TSHZ3: variants seen among roughly 807,000 people sequenced by gnomAD.
The protein encoded by TSHZ3 is teashirt homolog 3.
In TSHZ3, 10 loss-of-function variants were observed where a neutral mutation model predicts 64.5. That is an observed-to-expected ratio of 0.16 (90% confidence interval 0.10 to 0.26). The LOEUF is 0.26. Ranked by LOEUF, TSHZ3 falls within the 10% of genes least tolerant of loss-of-function variation. The probability of loss-of-function intolerance (pLI) is 1.00; values close to 1 mark genes in which losing one functional copy is unlikely to be tolerated. For synonymous variants in TSHZ3, 608 were observed against 593.1 expected, an observed-to-expected ratio of 1.03 and a Z score of -0.36; for missense variants, 1,242 against 1,421.7, an observed-to-expected ratio of 0.87 and a Z score of 2.03.
chr19:31,254,191 C>T (rs1046289282), intron 1 of TSHZ3, among the ~76,000 whole-genome samples: 1 of 152,220 alleles, frequency 6.6e-6, no homozygotes, highest in Non-Finnish European at 1.5e-5. Context: ...GGCAAATACC[C>T]TGTGGTCTTA....
chr19:31,244,647 TC>T (rs1047045966), intron 1 of TSHZ3, among the ~76,000 whole-genome samples: 2 of 152,138 alleles, frequency 1.3e-5, no homozygotes, highest in Non-Finnish European at 2.9e-5. Flanking sequence ...CAAAATCATT[TC>T]TTTTTTTTTA....
chr19:31,267,290 G>A, intron 1 of TSHZ3, among the ~76,000 whole-genome samples: 1 of 151,988 alleles, frequency 6.6e-6, no homozygotes, highest in South Asian at 2.1e-4. Flanking sequence ...GAATTGTGCA[G>A]GGTCCAGGAG....
intron 1 of TSHZ3, among the ~76,000 whole-genome samples, chr19:31,327,349 G>A (rs1044395750): frequency 6.6e-6 from 1 of 152,208 alleles, no homozygotes; most frequent in Admixed American, 6.5e-5. Flanking sequence ...ACATGTGAGA[G>A]ATAGTAAAAT....
intron 5 of TSHZ3, among the ~76,000 whole-genome samples, chr19:31,184,405 A>T (rs1974772199): frequency 6.6e-6 from 1 of 152,140 alleles, no homozygotes; most frequent in Non-Finnish European, 1.5e-5. Context: ...ATGTGTGTGA[A>T]ACATTTATGG....
chr19:31,257,226 G>A (rs1327624024), intron 1 of TSHZ3, among the ~76,000 whole-genome samples: 5 of 152,168 alleles, frequency 3.3e-5, no homozygotes, highest in Admixed American at 6.5e-5. Flanking sequence ...TCAGGGTGGC[G>A]AGGGAGCAGG....
intron 5 of TSHZ3, among the ~76,000 whole-genome samples, chr19:31,184,767 G>GT (rs1480170351): frequency 6.6e-6 from 1 of 152,214 alleles, no homozygotes; most frequent in Admixed American, 6.5e-5. Flanking sequence ...TTTCCTCGAT[G>GT]TGAATGAATG....
In TSHZ3 at chr19:31,222,920, C is replaced by T. The variant is rs572020159; in HGVS notation, n.686+5085G>A. On this transcript the variant is annotated intron_variant and non_coding_transcript_variant, in intron 4 of 6. Coordinates refer to the TSHZ3 transcript ENST00000651361. ...CAGCAAGAAGACATGTCAATAATAC[C>T]CATGTGGGGTCAGCGAGTCTCCCGC... 7.2e-5 allele frequency among the ~76,000 whole-genome samples: 11 copies of T among 152,172 alleles called. 1 individual carries two copies. The highest frequency in any genetic ancestry group is 2.6e-4 in the African/African-American group (11 of 41,510).
chr19:31,158,405 A>G (rs1199834411), intron 5 of TSHZ3, among the ~76,000 whole-genome samples: 1 of 152,126 alleles, frequency 6.6e-6, no homozygotes, highest in Non-Finnish European at 1.5e-5. Flanking sequence ...GCTTGAAACA[A>G]CTCCAATTTG....
intron 1 of TSHZ3, among the ~76,000 whole-genome samples, chr19:31,248,263 GA>G (rs1296449491): frequency 2.0e-5 from 3 of 152,182 alleles, no homozygotes; most frequent in Non-Finnish European, 4.4e-5. Flanking sequence ...TAAAAAGAGA[GA>G]GGAAGAGAGA....
intron 1 of TSHZ3, among the ~76,000 whole-genome samples, chr19:31,262,576 TA>T (rs904793414): frequency 3.3e-5 from 5 of 152,086 alleles, no homozygotes; most frequent in Admixed American, 6.5e-5. Flanking sequence ...GTTCACTTTG[TA>T]AAAAAAATAT....
At chr19:31,186,167 T>C (rs1449896808) in intron 5 of TSHZ3, among the ~76,000 whole-genome samples, 3 of 152,192 alleles carry the variant, frequency 2.0e-5, no homozygotes, top group Non-Finnish European at 4.4e-5. Context: ...ATATTTTGAT[T>C]CCTCTTGAGT....
intron 5 of TSHZ3, among the ~76,000 whole-genome samples, chr19:31,185,390 G>T (rs1974789818): frequency 6.6e-6 from 1 of 152,194 alleles, no homozygotes. Context: ...TTAGGGGAGG[G>T]AAGTAAAATG....
intron 1 of TSHZ3, among the ~76,000 whole-genome samples, chr19:31,303,410 C>T (rs543845428): frequency 1.2e-4 from 19 of 152,308 alleles, no homozygotes; most frequent in African/African-American, 4.3e-4. Flanking sequence ...TCACCGGAGA[C>T]GCACTTGGTC....
rs977380765 is a variant in TSHZ3 at position 31,217,019 on chromosome 19, G to A, written n.686+10986C>T. On this transcript the variant is annotated intron_variant and non_coding_transcript_variant, in intron 4 of 6. Transcript: ENST00000651361. ...TCACCATGTTGGCCAGGCTGGTCTC[G>A]AACTCCTGACCTCAGGTGATCCACC... Among the ~76,000 whole-genome samples, 6 of 151,676 alleles carry A rather than the reference G, an allele frequency of 4.0e-5. No homozygotes were observed. In the East Asian group the frequency reaches 1.2e-3, roughly 30 times the overall value.
At chr19:31,174,542 T>G (rs188078726) in intron 5 of TSHZ3, among the ~76,000 whole-genome samples, 18 of 152,328 alleles carry the variant, frequency 1.2e-4, no homozygotes, top group Admixed American at 1.1e-3. Context: ...TCACCTAAAA[T>G]GAACCATCAC....
chr19:31,318,675 TCTC>T (rs898603579), intron 1 of TSHZ3, among the ~76,000 whole-genome samples: 4 of 152,226 alleles, frequency 2.6e-5, no homozygotes, highest in African/African-American at 9.6e-5. Flanking sequence ...TTCTAAAATG[TCTC>T]CTATTATTTT....
intron 1 of TSHZ3, among the ~76,000 whole-genome samples, chr19:31,264,710 CTT>C (rs34853915): frequency 1.3e-4 from 18 of 143,324 alleles, no homozygotes; most frequent in South Asian, 4.4e-4. Flanking sequence ...GTGGGTTTTT[CTT>C]TTTTTTTTTT....
At chr19:31,168,184 T>C (rs1325703120) in intron 5 of TSHZ3, among the ~76,000 whole-genome samples, 1 of 152,194 alleles carries the variant, frequency 6.6e-6, no homozygotes, top group African/African-American at 2.4e-5. Flanking sequence ...GTAATTTTTA[T>C]GCATGCCATT....
intron 1 of TSHZ3, among the ~76,000 whole-genome samples, chr19:31,346,510 C>T (rs971227257): frequency 6.6e-6 from 1 of 152,156 alleles, no homozygotes; most frequent in Admixed American, 6.5e-5. Flanking sequence ...ATGAAGCTGG[C>T]AAAACAACTT....
Sources: allele counts gnomAD v4.1 joint callset (sites outside exome capture counted in the v4.1 genomes callset), GRCh38; gene constraint gnomAD v4.1.1; transcripts MANE v1.5; gene names NCBI Gene and HGNC (gene_info 2026-07-23, HGNC 2026-07-21).